The following TNRC6B variants were observed in gnomAD, a reference collection of about 807,000 sequenced individuals.
TNRC6B encodes the protein trinucleotide repeat-containing gene 6B protein.
TNRC6B carries 52 observed loss-of-function variants against 203.6 expected under a neutral mutation model. That is an observed-to-expected ratio of 0.26 (90% CI 0.20 to 0.32). The LOEUF is 0.32. TNRC6B is among the 10% of genes least tolerant of loss of function. The probability of loss-of-function intolerance (pLI) is 1.00; values close to 1 mark genes in which losing one functional copy is unlikely to be tolerated. For synonymous variants in TNRC6B, 838 were observed against 845.7 expected (o/e 0.99, Z 0.16); for missense variants, 1,923 against 2,286.2 (o/e 0.84, Z 3.24).
chr22:40,271,394 C>T (rs1414514829), intron 6 of TNRC6B, among the ~76,000 whole-genome samples: 1 of 152,180 alleles, frequency 6.6e-6, no homozygotes, highest in African/African-American at 2.4e-5. Context: ...ACATTATATT[C>T]AGTACTCTTA....
intron 1 of TNRC6B, among the ~76,000 whole-genome samples, chr22:40,097,670 A>ACG (rs2068196470): frequency 1.2e-4 from 1 of 8,492 alleles, no homozygotes; most frequent in Admixed American, 9.8e-4. Flanking sequence ...GGTATATCAT[A>ACG]CACACACACA....
intron 1 of TNRC6B, among the ~76,000 whole-genome samples, chr22:40,221,773 TGACTCCTGTC>T (rs2069713584): frequency 7.2e-6 from 1 of 138,844 alleles, no homozygotes; most frequent in African/African-American, 2.5e-5. Context: ...TTTTTTTTTT[TGACTCCTGTC>T]TACTTTCCTG....
chr22:40,115,633 A>C (rs1440438159), intron 1 of TNRC6B, among the ~76,000 whole-genome samples: 1 of 152,078 alleles, frequency 6.6e-6, no homozygotes, highest in Non-Finnish European at 1.5e-5. Context: ...AAGAAAATGG[A>C]CCCGTGGATA....
exon 4 of TNRC6B, chr22:40,156,174 A>G: frequency 6.4e-7 from 1 of 1,573,328 alleles, no homozygotes; most frequent in East Asian, 2.3e-5. Context: ...CTGGTGAAGA[A>G]AGCAAACAGT....
chr22:40,318,678 T>C lies in TNRC6B; in HGVS notation c.4975-2412T>C, dbSNP rs368602847. Among the ~76,000 whole-genome samples the C allele has an allele frequency of 3.9e-5, 6 of 152,180 alleles. No individual in the cohort carries two copies. The East Asian group carries it at 9.6e-4, about 24-fold the overall frequency. On this transcript the variant is annotated intron_variant, in intron 21 of 22. Transcript: ENST00000454349. Reference sequence around the variant, plus strand: ...CTATTTTCTAAGAGTTGTCACACAATGTGATTATGTTATGATGAGATTGAG... The same window carrying C: ...CTATTTTCTAAGAGTTGTCACACAACGTGATTATGTTATGATGAGATTGAG...
intron 3 of TNRC6B, among the ~76,000 whole-genome samples, chr22:40,136,391 G>A (rs2068599701): frequency 7.0e-6 from 1 of 143,660 alleles, no homozygotes; most frequent in Admixed American, 7.6e-5. Flanking sequence ...GTGTGTGTGT[G>A]TGTGTGTGTG....
Position 40,177,996 on chromosome 22 carries a change from G to A in TNRC6B, c.-140G>A. The A allele has an allele frequency of 6.6e-7, 1 of 1,514,328 alleles. No homozygotes were observed. The highest frequency in any genetic ancestry group is 8.8e-7 in the Non-Finnish European group (1 of 1,138,504). 93.8% of individuals were successfully genotyped at this position (1,514,328 alleles called of 1,614,324 possible). A position where few individuals can be genotyped will look rare whatever the true frequency, so the allele number is the denominator to read the frequency against. On this transcript the variant is annotated 5_prime_UTR_variant, in exon 1 of 23. Coordinates refer to ENST00000454349, the MANE Select transcript of TNRC6B (RefSeq NM_001162501.2). ...AGAGTTAGTTCAAGCCAAAATGGCC[G>A]ACAGAGTCTCTGCTGGTTTCTGAAT... is the stretch of plus-strand genomic sequence containing the variant.
chr22:40,273,409 C>T lies in TNRC6B; in HGVS notation c.2966-16C>T, dbSNP rs775629766. The T allele has an allele frequency of 1.5e-5, 23 of 1,581,548 alleles. No individual in the cohort carries two copies. Among genetic ancestry groups the T allele is most frequent in the Non-Finnish European group, 2.0e-5 (23 of 1,165,264 alleles). Reference sequence around the variant, plus strand: ...ATATAGCTGTTGCAAAGAGTTAATTCATTCTTTCCTTAAAGATTCCAAATC... The same window carrying T: ...ATATAGCTGTTGCAAAGAGTTAATTTATTCTTTCCTTAAAGATTCCAAATC... On this transcript the variant is annotated splice_polypyrimidine_tract_variant and intron_variant, in intron 6 of 22. Coordinates refer to ENST00000454349, the MANE Select transcript of TNRC6B (RefSeq NM_001162501.2).
intron 1 of TNRC6B, among the ~76,000 whole-genome samples, chr22:40,080,960 G>A (rs1428122100): frequency 6.6e-6 from 1 of 151,694 alleles, no homozygotes; most frequent in Non-Finnish European, 1.5e-5. Flanking sequence ...GGGTTCAAGC[G>A]TTTCTCCTGC....
At chr22:40,222,728 CTTTTTTTTTTTT>C (rs61374373) in intron 1 of TNRC6B, among the ~76,000 whole-genome samples, 37 of 40,212 alleles carry the variant, frequency 9.2e-4, no homozygotes, top group Non-Finnish European at 1.2e-3. Flanking sequence ...CTCTCTCTCT[CTTTTTTTTTTTT>C]TTTTTTTTTT....
At chr22:40,303,329 T>C (rs2071050275) in intron 15 of TNRC6B, among the ~76,000 whole-genome samples, 1 of 152,066 alleles carries the variant, frequency 6.6e-6, no homozygotes, top group African/African-American at 2.4e-5. Context: ...CCTGGCCGAT[T>C]CTTTCTTACT....
chr22:40,263,841 G>T (rs973950204), intron 4 of TNRC6B, among the ~76,000 whole-genome samples: 3 of 152,324 alleles, frequency 2.0e-5, no homozygotes, highest in Non-Finnish European at 2.9e-5. Context: ...TCATTCAGCA[G>T]ATGCTTACTC....
chr22:40,119,329 G>A (rs979856809), intron 2 of TNRC6B, among the ~76,000 whole-genome samples: 8 of 152,182 alleles, frequency 5.3e-5, no homozygotes, highest in Admixed American at 3.3e-4. Context: ...CACGCCTATA[G>A]TCCCAGCACT....
In TNRC6B at chr22:40,285,762, TC is replaced by T. The variant is rs1569054549; in HGVS notation, c.3706del (p.Gln1236ArgfsTer15). On this transcript the variant is annotated frameshift_variant, in exon 12 of 23. Coordinates refer to ENST00000454349, the MANE Select transcript of TNRC6B (RefSeq NM_001162501.2). LOFTEE classifies it high-confidence loss of function. Reference sequence around the variant, plus strand: ...GGCGCAAGTGCCTCCCCAGTTTATTTCCCCCCAGGTAAGCAATTTTACGTTC... The same window carrying T: ...GGCGCAAGTGCCTCCCCAGTTTATTTCCCCCAGGTAAGCAATTTTACGTTC... ...LRAQVPPQFI[S>X]PQVSASMLKQ... 1 of 1,613,268 alleles carries T rather than the reference TC, an allele frequency of 6.2e-7. No homozygotes were observed. The highest frequency in any genetic ancestry group is 2.2e-5 in the East Asian group (1 of 44,854).
rs556118819 is a variant in TNRC6B at position 40,167,578 on chromosome 22, G to GTT, written c.113+11402_113+11403dup. Among the ~76,000 whole-genome samples, 19 of 151,932 alleles carry GTT rather than the reference G, an allele frequency of 1.3e-4. 1 individual carries two copies. In the South Asian group the frequency reaches 4.0e-3, roughly 32 times the overall value. On this transcript the variant is annotated intron_variant, in intron 4 of 23. Transcript: ENST00000301923. ...ATGGTTAAGATGATCAGTTTTTTGT[G>GTT]TTTTTTTAACCACAATAAAAATTTT...
intron 3 of TNRC6B, among the ~76,000 whole-genome samples, chr22:40,137,314 C>T (rs2068608157): frequency 6.6e-6 from 1 of 152,184 alleles, no homozygotes; most frequent in African/African-American, 2.4e-5. Context: ...CATTTGTTTA[C>T]GTAGCTGGTA....
At chr22:40,221,841 G>A (rs1235224494) in intron 1 of TNRC6B, among the ~76,000 whole-genome samples, 3 of 147,108 alleles carry the variant, frequency 2.0e-5, no homozygotes, top group African/African-American at 7.5e-5. Context: ...CCAAATACCT[G>A]TCCTTACCCA....
chr22:40,099,758 A>G (rs1425196580), intron 1 of TNRC6B, among the ~76,000 whole-genome samples: 1 of 152,006 alleles, frequency 6.6e-6, no homozygotes, highest in Non-Finnish European at 1.5e-5. Flanking sequence ...TATTTTATTT[A>G]TTTATTTTTT....
intron 1 of TNRC6B, among the ~76,000 whole-genome samples, chr22:40,235,091 T>C (rs2069929715): frequency 6.6e-6 from 1 of 152,250 alleles, no homozygotes; most frequent in African/African-American, 2.4e-5. Flanking sequence ...CATTAATCCT[T>C]AATTAGTTAT....
Sources: allele counts gnomAD v4.1 joint callset (sites outside exome capture counted in the v4.1 genomes callset), GRCh38; gene constraint gnomAD v4.1.1; transcripts MANE v1.5; gene names NCBI Gene and HGNC (gene_info 2026-07-23, HGNC 2026-07-21).